Variants in NCALD observed in about 807,000 individuals in gnomAD.
The protein encoded by NCALD is neurocalcin delta.
A neutral mutation model predicts 18.6 loss-of-function variants in NCALD; 10 were observed. That is an observed-to-expected ratio of 0.54 (90% CI 0.33 to 0.91). NCALD has a LOEUF of 0.91. Ranked by LOEUF, NCALD falls within the 40% of genes least tolerant of loss-of-function variation. The probability of loss-of-function intolerance (pLI) is 0.03; values close to 1 mark genes in which losing one functional copy is unlikely to be tolerated. For missense variants in NCALD, 184 were observed against 247.6 expected (o/e 0.74, Z 1.72); for synonymous variants, 88 against 87.4 (o/e 1.01, Z -0.04).
intron 1 of NCALD, among the ~76,000 whole-genome samples, chr8:101,760,095 G>A (rs1375263968): frequency 6.6e-6 from 1 of 152,080 alleles, no homozygotes; most frequent in Non-Finnish European, 1.5e-5. Flanking sequence ...ATTCTCCAAG[G>A]GCTACTGACT....
At chr8:102,121,595 G>T (rs1825946501) in intron 1 of NCALD, among the ~76,000 whole-genome samples, 1 of 152,168 alleles carries the variant, frequency 6.6e-6, no homozygotes, top group Admixed American at 6.5e-5. Flanking sequence ...TCTGCCTCCA[G>T]AACCAAATTC....
intron 4 of NCALD, among the ~76,000 whole-genome samples, chr8:101,830,909 CAAT>C (rs1814156694): frequency 6.6e-6 from 1 of 151,828 alleles, no homozygotes; most frequent in Admixed American, 6.6e-5. Flanking sequence ...AGAATAAAAT[CAAT>C]AAATTCATGT....
intron 1 of NCALD, among the ~76,000 whole-genome samples, chr8:102,061,931 T>C (rs1254405303): frequency 6.6e-6 from 1 of 152,238 alleles, no homozygotes; most frequent in Non-Finnish European, 1.5e-5. Context: ...TTTCATCTAT[T>C]TTTATATTCT....
intron 2 of NCALD, among the ~76,000 whole-genome samples, chr8:101,699,809 A>C (rs539035469): frequency 1.3e-5 from 2 of 152,302 alleles, no homozygotes; most frequent in South Asian, 2.1e-4. Flanking sequence ...TATCTAATGC[A>C]TGCAGGGCTT....
intron 2 of NCALD, among the ~76,000 whole-genome samples, chr8:102,011,356 C>G (rs765778924): frequency 2.0e-5 from 3 of 152,184 alleles, no homozygotes; most frequent in Non-Finnish European, 4.4e-5. Flanking sequence ...TGTTCCAACA[C>G]TGATAACTCC....
At chr8:101,830,908 T>C (rs754195097) in intron 4 of NCALD, among the ~76,000 whole-genome samples, 13 of 151,838 alleles carry the variant, frequency 8.6e-5, no homozygotes, top group Non-Finnish European at 1.3e-4. Context: ...GAGAATAAAA[T>C]CAATAAATTC....
chr8:101,898,016 C>T (rs1817272234), intron 3 of NCALD, among the ~76,000 whole-genome samples: 1 of 151,280 alleles, frequency 6.6e-6, no homozygotes, highest in African/African-American at 2.5e-5. Context: ...CTTTGCTGAG[C>T]ACATATTCTT....
intron 3 of NCALD, among the ~76,000 whole-genome samples, chr8:101,890,006 A>T (rs1816814391): frequency 2.0e-5 from 3 of 152,238 alleles, no homozygotes; most frequent in Admixed American, 2.0e-4. Context: ...AGGAAGGCAA[A>T]GTTGATAAAT....
At chr8:101,980,854 T>C (rs6983985) in intron 2 of NCALD, among the ~76,000 whole-genome samples, 98 of 152,328 alleles carry the variant, frequency 6.4e-4, no homozygotes, top group African/African-American at 2.1e-3. Flanking sequence ...TTAAGCCCTA[T>C]TATTTATTGC....
Position 102,026,063 on chromosome 8 carries a change from A to G in NCALD, c.-209-5774T>C, listed in dbSNP as rs80283875. On this transcript the variant is annotated intron_variant, in intron 1 of 6. Transcript: ENST00000311028. ...GAACTCACTCACTGAGGGTAACTGC[A>G]TCAATGATTCAGTTGCCTCCCACCA... 3.6e-3 allele frequency among the ~76,000 whole-genome samples: 541 copies of G among 152,252 alleles called. 4 individuals are homozygous for G. Among genetic ancestry groups the G allele is most frequent in the Non-Finnish European group, 6.0e-3 (408 of 68,014 alleles).
At chr8:101,813,851 A>AC (rs1813399821) in intron 4 of NCALD, among the ~76,000 whole-genome samples, 1 of 151,832 alleles carries the variant, frequency 6.6e-6, no homozygotes, top group Non-Finnish European at 1.5e-5. Context: ...TACATAAAAG[A>AC]CCCCCTATCC....
chr8:102,076,522 G>A (rs1369039729), intron 1 of NCALD, among the ~76,000 whole-genome samples: 1 of 146,942 alleles, frequency 6.8e-6, no homozygotes, highest in Non-Finnish European at 1.5e-5. Flanking sequence ...CTCAATCATG[G>A]GAGTGAAAAA....
In NCALD at chr8:101,892,347, C is replaced by G. The variant is rs1816938787; in HGVS notation, c.-106-5120G>C. 3.4e-5 allele frequency among the ~76,000 whole-genome samples: 5 copies of G among 147,034 alleles called. No homozygotes were observed. The South Asian group carries it at 8.5e-4, about 25-fold the overall frequency. On this transcript the variant is annotated intron_variant, in intron 3 of 6. Coordinates refer to the NCALD transcript ENST00000311028. Reference sequence around the variant, plus strand: ...CTAACAAACAGAAAGGACATCCACACCAAAAACCCATCTGTACATCACCAT... The same window carrying G: ...CTAACAAACAGAAAGGACATCCACAGCAAAAACCCATCTGTACATCACCAT...
At chr8:101,693,084 T>C (rs1287224797) in intron 2 of NCALD, 188 bp from the exon 3 acceptor site, 2 of 498,044 alleles carry the variant, frequency 4.0e-6, no homozygotes, top group Admixed American at 6.4e-5. Context: ...AAGCTTGTTC[T>C]CCTCCAGTGA....
intron 1 of NCALD, among the ~76,000 whole-genome samples, chr8:101,789,748 G>C (rs1382385557): frequency 6.6e-6 from 1 of 152,058 alleles, no homozygotes; most frequent in Non-Finnish European, 1.5e-5. Flanking sequence ...GTAAGATTTA[G>C]ACACCTGGTT....
intron 2 of NCALD, among the ~76,000 whole-genome samples, chr8:101,955,531 G>A (rs1024655552): frequency 6.6e-6 from 1 of 152,174 alleles, no homozygotes; most frequent in Non-Finnish European, 1.5e-5. Context: ...AAAACAGGCA[G>A]TAAGTTAAGG....
intron 2 of NCALD, among the ~76,000 whole-genome samples, chr8:101,711,762 G>C (rs895039247): frequency 1.3e-5 from 2 of 151,850 alleles, no homozygotes; most frequent in Non-Finnish European, 2.9e-5. Flanking sequence ...CAAGAAATAC[G>C]GGACTATGTG....
At position 101,688,850 on chromosome 8, in the gene NCALD, C is replaced by T. The variant is rs1434671024; in HGVS notation, c.*459G>A. ...GCCTCACCCCAGAGGGTAACTTGTTCTTGGGGAATCCAGCATCCGGTGCCA... is the reference window on the plus strand; with the variant it reads ...GCCTCACCCCAGAGGGTAACTTGTTTTTGGGGAATCCAGCATCCGGTGCCA... On this transcript the variant is annotated 3_prime_UTR_variant, in exon 4 of 4. Transcript: ENST00000220931. 3.2e-6 allele frequency: 2 copies of T among 624,276 alleles called. No individual in the cohort carries two copies. The highest frequency in any genetic ancestry group is 2.5e-5 in the Admixed American group (1 of 40,312). 38.7% of individuals were successfully genotyped at this position (624,276 alleles called of 1,614,324 possible).
At chr8:102,078,829 G>C (rs1824432664) in intron 1 of NCALD, among the ~76,000 whole-genome samples, 1 of 152,206 alleles carries the variant, frequency 6.6e-6, no homozygotes, top group Non-Finnish European at 1.5e-5. Flanking sequence ...AAAGTGCACT[G>C]TTTATTGATT....
Sources: allele counts gnomAD v4.1 joint callset (sites outside exome capture counted in the v4.1 genomes callset), GRCh38; gene constraint gnomAD v4.1.1; transcripts MANE v1.5; gene names NCBI Gene and HGNC (gene_info 2026-07-23, HGNC 2026-07-21).